Variants in RBMS3 observed in about 807,000 individuals in gnomAD.
RBMS3 encodes the protein RNA binding motif single stranded interacting protein 3.
A neutral mutation model predicts 66.8 loss-of-function variants in RBMS3; 27 were observed. The observed-to-expected ratio is 0.40, with a 90% CI of 0.30 to 0.56. RBMS3 has a LOEUF of 0.56. Among genes scored for constraint, RBMS3 ranks in the 20% least tolerant of loss-of-function variants. The probability of loss-of-function intolerance (pLI) is 0.40; values close to 1 mark genes in which losing one functional copy is unlikely to be tolerated. For synonymous variants in RBMS3, 188 were observed against 183.0 expected, an observed-to-expected ratio of 1.03 and a Z score of -0.22; for missense variants, 513 against 549.5, an observed-to-expected ratio of 0.93 and a Z score of 0.66.
rs897668278 is a variant in RBMS3 at position 29,714,413 on chromosome 3, G to A, written c.400-25307G>A. On this transcript the variant is annotated intron_variant, in intron 4 of 14. Coordinates refer to ENST00000383767, the MANE Select transcript of RBMS3 (RefSeq NM_001003793.3). ...GACCGGCTGGGAAAGAGTAAGTTGG[G>A]GATGGGATGGGACAGTATCTATGAG... is the stretch of plus-strand genomic sequence containing the variant. 3.3e-5 allele frequency among the ~76,000 whole-genome samples: 5 copies of A among 152,162 alleles called. 1 individual carries two copies. In the South Asian group the frequency reaches 8.3e-4, roughly 25 times the overall value.
At chr3:29,772,456 G>T (rs942845624) in intron 6 of RBMS3, among the ~76,000 whole-genome samples, 1 of 151,960 alleles carries the variant, frequency 6.6e-6, no homozygotes, top group Admixed American at 6.6e-5. Context: ...TTCTTTGTGA[G>T]TTTTTATTGA....
At chr3:29,875,802 T>G in intron 7 of RBMS3, among the ~76,000 whole-genome samples, 1 of 152,188 alleles carries the variant, frequency 6.6e-6, no homozygotes, top group East Asian at 1.9e-4. Context: ...GCCTAGCATT[T>G]TCTGTGCCAT....
intron 1 of RBMS3, among the ~76,000 whole-genome samples, chr3:29,357,749 T>A (rs2037312404): frequency 6.6e-6 from 1 of 152,200 alleles, no homozygotes; most frequent in Non-Finnish European, 1.5e-5. Flanking sequence ...TTCTAATTGA[T>A]GTGAGATGAT....
chr3:29,483,165 C>T (rs1003784265), intron 2 of RBMS3, among the ~76,000 whole-genome samples: 4 of 151,416 alleles, frequency 2.6e-5, no homozygotes, highest in Non-Finnish European at 4.4e-5. Context: ...AAAAATTAGC[C>T]GGGCTTGGGG....
At chr3:29,682,723 T>C (rs2051551554) in intron 4 of RBMS3, among the ~76,000 whole-genome samples, 1 of 152,200 alleles carries the variant, frequency 6.6e-6, no homozygotes, top group African/African-American at 2.4e-5. Context: ...TTCTGGTTCA[T>C]TTTTGTGTCC....
chr3:29,309,133 T>C (rs1292550280), intron 1 of RBMS3, among the ~76,000 whole-genome samples: 3 of 151,754 alleles, frequency 2.0e-5, no homozygotes, highest in Non-Finnish European at 4.4e-5. Flanking sequence ...CTTTGATTCA[T>C]GGGCATGAAG....
chr3:29,976,037 T>C (rs186486244), intron 12 of RBMS3, among the ~76,000 whole-genome samples: 17 of 151,956 alleles, frequency 1.1e-4, no homozygotes, highest in Non-Finnish European at 2.4e-4. Flanking sequence ...GAAGTTTTCA[T>C]TGCCTTCTCT....
chr3:29,691,289 G>C (rs979141975), intron 4 of RBMS3, among the ~76,000 whole-genome samples: 1 of 152,152 alleles, frequency 6.6e-6, no homozygotes, highest in Admixed American at 6.5e-5. Context: ...GCCACAAAGC[G>C]TCAAGAAGAA....
At chr3:29,940,453 A>G (rs2061365549) in intron 11 of RBMS3, among the ~76,000 whole-genome samples, 3 of 151,870 alleles carry the variant, frequency 2.0e-5, no homozygotes, top group Admixed American at 6.6e-5. Flanking sequence ...TATCCAGTGA[A>G]TAATCTAGAG....
chr3:29,404,420 G>A (rs866665781), intron 1 of RBMS3, among the ~76,000 whole-genome samples: 57 of 152,114 alleles, frequency 3.7e-4, no homozygotes, highest in Admixed American at 5.2e-4. Flanking sequence ...CTTTTTGCTG[G>A]TTAAGAGACA....
rs76042290 is a variant in RBMS3, at chr3:29,912,066, A to G, written c.939+12311A>G. Among the ~76,000 whole-genome samples, 540 of 152,066 alleles carry G rather than the reference A, an allele frequency of 3.6e-3. 8 individuals carry two copies. The East Asian group carries it at 0.049, about 14-fold the overall frequency. ...AATGGATGGAGGGAAGGATGGATGC[A>G]GGGATGCGGATGGATGAATGGATGG... On this transcript the variant is annotated intron_variant, in intron 10 of 14. Transcript: ENST00000383767.
At chr3:29,496,278 TGTAATATTTCCCTAGCC>T (rs1326053179) in intron 3 of RBMS3, among the ~76,000 whole-genome samples, 2 of 151,942 alleles carry the variant, frequency 1.3e-5, no homozygotes, top group African/African-American at 4.8e-5. Flanking sequence ...ATATGAAGTG[TGTAATATTTCCCTAGCC>T]TTTTTTTGTG....
chr3:29,387,224 G>A (rs2039050185), intron 1 of RBMS3, among the ~76,000 whole-genome samples: 1 of 152,030 alleles, frequency 6.6e-6, no homozygotes, highest in South Asian at 2.1e-4. Context: ...TGAACTCCAG[G>A]TTATAAAAAA....
At chr3:29,754,046 C>T (rs2055302563) in intron 5 of RBMS3, among the ~76,000 whole-genome samples, 1 of 152,010 alleles carries the variant, frequency 6.6e-6, no homozygotes, top group African/African-American at 2.4e-5. Context: ...CAACTTCTGC[C>T]TCCCAGGTTC....
intron 7 of RBMS3, chr3:29,880,847 C>A (rs1360210915): frequency 1.3e-6 from 2 of 1,527,762 alleles, no homozygotes; most frequent in Non-Finnish European, 1.8e-6. Context: ...ATTCCCGACC[C>A]TTTTGCAATG....
At chr3:29,913,283 T>G (rs2060562216) in intron 10 of RBMS3, among the ~76,000 whole-genome samples, 1 of 151,988 alleles carries the variant, frequency 6.6e-6, no homozygotes, top group South Asian at 2.1e-4. Context: ...CTTACAATAA[T>G]TACTCAATAT....
chr3:29,526,587 G>C (rs1325241730), intron 3 of RBMS3, among the ~76,000 whole-genome samples: 2 of 134,214 alleles, frequency 1.5e-5, no homozygotes, highest in Non-Finnish European at 3.1e-5. Context: ...GCAGTGATCT[G>C]GCCCACATCT....
rs1699850512 is a variant in RBMS3, at chr3:30,008,005, A to ACAT, written c.*4145_*4147dup. 1 of 152,094 alleles carries ACAT rather than the reference A, an allele frequency of 6.6e-6. No individual in the cohort carries two copies. Among genetic ancestry groups the ACAT allele is most frequent in the African/African-American group, 2.4e-5 (1 of 41,432 alleles). 9.4% of individuals were successfully genotyped at this position (152,094 alleles called of 1,614,324 possible). On this transcript the variant is annotated 3_prime_UTR_variant, in exon 15 of 15. Coordinates refer to ENST00000383767, the MANE Select transcript of RBMS3 (RefSeq NM_001003793.3). ...ACTTTATTTTACTATGCCTAAAAAT[A>ACAT]CATCTTTGGACCCCTTGCAAAGTGC...
At chr3:29,897,557 T>C in intron 9 of RBMS3, 82 bp downstream of exon 9, 1 of 1,310,164 alleles carries the variant, frequency 7.6e-7, no homozygotes, top group Non-Finnish European at 1.1e-6. Flanking sequence ...CACAGTAGAA[T>C]GAAAAGAAAA....
Sources: allele counts gnomAD v4.1 joint callset (sites outside exome capture counted in the v4.1 genomes callset), GRCh38; gene constraint gnomAD v4.1.1; transcripts MANE v1.5; gene names NCBI Gene and HGNC (gene_info 2026-07-23, HGNC 2026-07-21).